The following WAPL variants were observed in gnomAD, a reference collection of about 807,000 sequenced individuals.
WAPL encodes WAPL cohesin release factor, also known as wings apart-like protein homolog.
WAPL carries 5 observed loss-of-function variants against 121.0 expected under a neutral mutation model. That is an observed-to-expected ratio of 0.04 (90% CI 0.02 to 0.09). The LOEUF is 0.09. Ranked by LOEUF, WAPL falls within the 10% of genes least tolerant of loss-of-function variation. The probability of loss-of-function intolerance (pLI) is 1.00; values close to 1 mark genes in which losing one functional copy is unlikely to be tolerated. For synonymous variants in WAPL, 480 were observed against 481.5 expected (o/e 1.00, Z 0.04); for missense variants, 999 against 1,410.8 (o/e 0.71, Z 4.68).
At chr10:86,483,893 A>G (rs1841865094) in intron 4 of WAPL, among the ~76,000 whole-genome samples, 1 of 119,898 alleles carries the variant, frequency 8.3e-6, no homozygotes, top group South Asian at 2.7e-4. Flanking sequence ...GGCTAACTGT[A>G]TTTTTAGTAG....
In WAPL at chr10:86,469,030, G is replaced by A. The variant is rs577599051; in HGVS notation, c.2143-1524C>T. Among the ~76,000 whole-genome samples the A allele has an allele frequency of 3.9e-5, 6 of 152,068 alleles. No individual in the cohort carries two copies. The South Asian group carries it at 1.0e-3, about 26-fold the overall frequency. On this transcript the variant is annotated intron_variant, in intron 8 of 18. Coordinates refer to ENST00000298767, the MANE Select transcript of WAPL (RefSeq NM_015045.5). ...GAGGCAGGACAATCGCTTGAACCCG[G>A]GAGGCAGAGGCTGCAGTGAGCCAAG...
chr10:86,450,592 G>A (rs12243397), intron 15 of WAPL, among the ~76,000 whole-genome samples: 3,116 of 152,254 alleles, frequency 0.02, 121 homozygotes, highest in African/African-American at 0.071. Context: ...AAAGCGGTAG[G>A]TGCCAAACAT....
chr10:86,512,393 G>C (rs1842481468), intron 2 of WAPL, among the ~76,000 whole-genome samples: 1 of 152,232 alleles, frequency 6.6e-6, no homozygotes, highest in African/African-American at 2.4e-5. Context: ...TGGCTGGCAA[G>C]AAAAGTGTGC....
chr10:86,509,568 C>G (rs1002808014), intron 2 of WAPL, among the ~76,000 whole-genome samples: 4 of 152,098 alleles, frequency 2.6e-5, no homozygotes, highest in African/African-American at 9.7e-5. Context: ...CAGTACAATG[C>G]GAGAAATGCA....
Position 86,472,188 on chromosome 10 carries a change from A to G in WAPL, c.2030+20T>C, listed in dbSNP as rs772395725. Reference sequence around the variant, plus strand: ...AATACAGCATGCACATAATTGTAAAATATAAAAATAAGATCTTACCTAAGG... The same window carrying G: ...AATACAGCATGCACATAATTGTAAAGTATAAAAATAAGATCTTACCTAAGG... On this transcript the variant is annotated intron_variant, in intron 7 of 18. Transcript: ENST00000298767. The surrounding 1 kb of genome is among the most constrained non-coding windows in gnomAD (Gnocchi z 4.2). 1 of 1,537,966 alleles carries G rather than the reference A, an allele frequency of 6.5e-7. No homozygotes were observed. Among genetic ancestry groups the G allele is most frequent in the Non-Finnish European group, 8.7e-7 (1 of 1,149,844 alleles).
intron 17 of WAPL, among the ~76,000 whole-genome samples, chr10:86,440,449 G>A (rs778178167): frequency 3.4e-5 from 4 of 116,644 alleles, no homozygotes; most frequent in African/African-American, 6.3e-5. Flanking sequence ...CACCACGCCC[G>A]GCTAATTTTT....
Position 86,472,381 on chromosome 10 carries a change from G to C in WAPL, c.1894-37C>G, listed in dbSNP as rs184907708. ...AAAAAAGTTCACCCCTTTTTAACTA[G>C]GAACTAGCATATTTAAATCTATGGG... On this transcript the variant is annotated intron_variant, in intron 6 of 18. Coordinates refer to ENST00000298767, the MANE Select transcript of WAPL (RefSeq NM_015045.5). This position sits in a 1 kb window ranked among gnomAD's most constrained non-coding sequence, Gnocchi z 4.2. 302 of 1,582,590 alleles carry C rather than the reference G, an allele frequency of 1.9e-4. No individual in the cohort carries two copies. The African/African-American group carries it at 2.8e-3, about 15-fold the overall frequency.
chr10:86,487,650 G>C (rs1018386756), intron 4 of WAPL, among the ~76,000 whole-genome samples: 1 of 152,140 alleles, frequency 6.6e-6, no homozygotes, highest in African/African-American at 2.4e-5. Flanking sequence ...CACCACTTTA[G>C]GAGGCCGAGG....
At chr10:86,512,321 A>C (rs1299430237) in intron 2 of WAPL, among the ~76,000 whole-genome samples, 3 of 152,252 alleles carry the variant, frequency 2.0e-5, no homozygotes, top group Admixed American at 2.0e-4. Flanking sequence ...CAGTCAGGCA[A>C]ATTAAGAGCC....
intron 4 of WAPL, among the ~76,000 whole-genome samples, chr10:86,480,220 C>G (rs1841751704): frequency 6.6e-6 from 1 of 152,174 alleles, no homozygotes; most frequent in Non-Finnish European, 1.5e-5. Flanking sequence ...GTAGTAATGA[C>G]TTTTAAAGAC....
At position 86,517,692 on chromosome 10, in the gene WAPL, G is replaced by A. The variant is rs775283021; in HGVS notation, c.378C>T (p.Asp126=). ...GGAAGCATTTATCAGAAACGACAGT[G>A]TCTTCAACGACCACATGACTAATTT... The part of the protein sequence containing the change: ...NSKISHVVVE[D]TVVSDKCFPL... The change falls in exon 2 of 19, where the codon GAC becomes GAT. Residue 126 remains aspartate, a synonymous_variant. Transcript: ENST00000298767. 4 of 1,614,130 alleles carry A rather than the reference G, an allele frequency of 2.5e-6. No individual in the cohort carries two copies. Among genetic ancestry groups the A allele is most frequent in the Admixed American group, 3.3e-5 (2 of 60,022 alleles).
At chr10:86,483,784 ATTTTTTTTTCTTTT>A (rs1841856055) in intron 4 of WAPL, among the ~76,000 whole-genome samples, 4 of 131,440 alleles carry the variant, frequency 3.0e-5, no homozygotes, top group African/African-American at 1.1e-4. Flanking sequence ...AAAAAAAAAA[ATTTTTTTTTCTTTT>A]TTTTTTTTTT....
At chr10:86,471,130 G>T in intron 7 of WAPL, 27 bp from the exon 8 acceptor site, 1 of 1,597,722 alleles carries the variant, frequency 6.3e-7, no homozygotes, top group South Asian at 1.1e-5. Context: ...CAGGTTAGGG[G>T]GGCTGGAAAC....
intron 2 of WAPL, among the ~76,000 whole-genome samples, chr10:86,516,263 G>T (rs919931994): frequency 6.6e-6 from 1 of 152,142 alleles, no homozygotes; most frequent in Non-Finnish European, 1.5e-5. Flanking sequence ...AGCCAAATTA[G>T]AATTAACCCT....
intron 5 of WAPL, 127 bp downstream of exon 5, chr10:86,473,751 A>T: frequency 1.5e-6 from 1 of 678,820 alleles, no homozygotes. Flanking sequence ...AATAAGTTTC[A>T]GTAAAGAAAG....
At chr10:86,442,372 C>T (rs1421934403) in intron 17 of WAPL, among the ~76,000 whole-genome samples, 4 of 152,120 alleles carry the variant, frequency 2.6e-5, no homozygotes, top group Non-Finnish European at 5.9e-5. Context: ...TTGGGATGTA[C>T]CTGAAAAAGC....
At chr10:86,518,665 C>A (rs1842608074) in intron 1 of WAPL, among the ~76,000 whole-genome samples, 1 of 152,112 alleles carries the variant, frequency 6.6e-6, no homozygotes. Flanking sequence ...ATAATGATAA[C>A]CTGTATAGGG....
chr10:86,449,114 AG>A (rs1440692941), intron 15 of WAPL, among the ~76,000 whole-genome samples: 2 of 152,254 alleles, frequency 1.3e-5, no homozygotes, highest in Non-Finnish European at 2.9e-5. Flanking sequence ...AGGTAAGAAA[AG>A]AACAGCTAGA....
intron 4 of WAPL, among the ~76,000 whole-genome samples, chr10:86,495,151 T>C (rs1280286546): frequency 2.0e-5 from 3 of 152,178 alleles, no homozygotes; most frequent in African/African-American, 7.2e-5. Context: ...TATAACAAGC[T>C]ATTTAAGGAA....
Sources: gnomAD v4.1 joint callset for allele counts (sites outside exome capture counted in the v4.1 genomes callset) on GRCh38, gnomAD v4.1.1 for gene constraint, Gnocchi (gnomAD v3.1) non-coding constraint, MANE v1.5 for transcripts, NCBI Gene and HGNC (gene_info 2026-07-23, HGNC 2026-07-21) for gene names.